ALPK1: variants seen among roughly 807,000 people sequenced by gnomAD.
ALPK1 encodes alpha-protein kinase 1.
In ALPK1, 110 loss-of-function variants were observed where a neutral mutation model predicts 120.6. That is an observed-to-expected ratio of 0.91 (90% CI 0.78 to 1.07). The LOEUF (loss-of-function observed/expected upper bound fraction) is 1.07. Ranked by LOEUF, ALPK1 falls within the 50% of genes least tolerant of loss-of-function variation. The probability of loss-of-function intolerance (pLI) is 0.00; values close to 1 mark genes in which losing one functional copy is unlikely to be tolerated. For synonymous variants in ALPK1, 582 were observed against 560.3 expected (o/e 1.04, Z -0.55); for missense variants, 1,498 against 1,483.9 (o/e 1.01, Z -0.16).
chr4:112,322,246 T>TA (rs1212045078), intron 2 of ALPK1, among the ~76,000 whole-genome samples: 1 of 152,226 alleles, frequency 6.6e-6, no homozygotes, highest in Non-Finnish European at 1.5e-5. Flanking sequence ...AGAGATATTC[T>TA]AAAAATTTTA....
chr4:112,387,163 G>A (rs1732189513), intron 4 of ALPK1, among the ~76,000 whole-genome samples: 1 of 152,186 alleles, frequency 6.6e-6, no homozygotes, highest in Non-Finnish European at 1.5e-5. Context: ...CTGAGATGCC[G>A]GGGAAGGACT....
chr4:112,330,558 C>T (rs1729323568), intron 2 of ALPK1, among the ~76,000 whole-genome samples: 1 of 152,192 alleles, frequency 6.6e-6, no homozygotes. Context: ...CTAGTACTCC[C>T]AGTGATGTGA....
At chr4:112,371,804 A>C (rs1578510044) in intron 2 of ALPK1, among the ~76,000 whole-genome samples, 2 of 152,266 alleles carry the variant, frequency 1.3e-5, no homozygotes, top group African/African-American at 4.8e-5. Flanking sequence ...AAAAATATAC[A>C]TACATAAAAA....
intron 2 of ALPK1, among the ~76,000 whole-genome samples, chr4:112,355,778 T>C (rs1315172105): frequency 1.3e-5 from 2 of 152,194 alleles, no homozygotes; most frequent in African/African-American, 4.8e-5. Context: ...AGTTTCCTCC[T>C]GGAGCACAAA....
intron 5 of ALPK1, among the ~76,000 whole-genome samples, chr4:112,414,038 C>CAG (rs755259154): frequency 8.4e-4 from 128 of 152,278 alleles, no homozygotes; most frequent in Non-Finnish European, 1.6e-3. Flanking sequence ...CTGGGTGTCT[C>CAG]AGAGAGAGAG....
intron 4 of ALPK1, among the ~76,000 whole-genome samples, chr4:112,400,308 G>C (rs1732850485): frequency 2.0e-5 from 3 of 152,200 alleles, no homozygotes; most frequent in Admixed American, 6.5e-5. Flanking sequence ...ACACTTACCA[G>C]AGAAGGGTAG....
chr4:112,438,929 T>C (rs1265255293), intron 13 of ALPK1, among the ~76,000 whole-genome samples: 2 of 152,156 alleles, frequency 1.3e-5, no homozygotes, highest in African/African-American at 4.8e-5. Flanking sequence ...AAAAAATAAT[T>C]GTTCTCCTTT....
intron 2 of ALPK1, among the ~76,000 whole-genome samples, chr4:112,364,136 G>T (rs1224163556): frequency 6.6e-6 from 1 of 151,890 alleles, no homozygotes; most frequent in African/African-American, 2.4e-5. Context: ...GCAATCTAAG[G>T]TCACGCCTCA....
chr4:112,426,523 C>G lies in ALPK1; in HGVS notation c.679C>G (p.Leu227Val). ...GGCCTCCATTGTAGGATATTTGGCA[C>G]TTCCTCAGCCGGATAAAAAGGTGGT... Reference protein sequence around the residue: ...IWASIVGYLALPQPDKKGLST... With the variant: ...IWASIVGYLAVPQPDKKGLST... The change falls in exon 8 of 16, where the codon CTT becomes GTT. Residue 227 changes from leucine (L) to valine (V), a missense_variant. Coordinates refer to ENST00000650871, the MANE Select transcript of ALPK1 (RefSeq NM_025144.4). 1 of 1,575,696 alleles carries G rather than the reference C, an allele frequency of 6.3e-7. No individual in the cohort carries two copies. The highest frequency in any genetic ancestry group is 8.6e-7 in the Non-Finnish European group (1 of 1,165,428).
intron 2 of ALPK1, among the ~76,000 whole-genome samples, chr4:112,355,340 C>G (rs761900057): frequency 5.9e-5 from 9 of 152,110 alleles, no homozygotes; most frequent in Non-Finnish European, 1.3e-4. Context: ...GTGCTGGATG[C>G]TGGGGACTCA....
At chr4:112,418,245 C>A (rs2148753818) in intron 5 of ALPK1, among the ~76,000 whole-genome samples, 1 of 152,308 alleles carries the variant, frequency 6.6e-6, no homozygotes, top group Non-Finnish European at 1.5e-5. Flanking sequence ...TCCATGCTGG[C>A]CAAACTCGCT....
chr4:112,400,949 T>G (rs1470772547), intron 4 of ALPK1, among the ~76,000 whole-genome samples: 1 of 151,426 alleles, frequency 6.6e-6, no homozygotes, highest in African/African-American at 2.4e-5. Flanking sequence ...GAGGTGAGAG[T>G]GAGTGTTGGG....
intron 1 of ALPK1, among the ~76,000 whole-genome samples, chr4:112,304,073 A>G (rs540364792): frequency 3.3e-5 from 5 of 152,212 alleles, no homozygotes; most frequent in African/African-American, 4.8e-5. Context: ...TATAAAGGAC[A>G]TGAACTCATC....
At chr4:112,373,058 G>C (rs2148723757) in intron 2 of ALPK1, among the ~76,000 whole-genome samples, 1 of 152,316 alleles carries the variant, frequency 6.6e-6, no homozygotes, top group African/African-American at 2.4e-5. Flanking sequence ...TGGACTTGAA[G>C]AAAAATGAGT....
intron 2 of ALPK1, among the ~76,000 whole-genome samples, chr4:112,372,783 C>G (rs113002260): frequency 5.4e-4 from 82 of 152,216 alleles, no homozygotes; most frequent in Middle Eastern, 6.8e-3. Flanking sequence ...CTAATTCCCC[C>G]CATCCTGCAG....
chr4:112,327,943 C>T (rs1450538480), intron 2 of ALPK1, among the ~76,000 whole-genome samples: 1 of 152,180 alleles, frequency 6.6e-6, no homozygotes, highest in Non-Finnish European at 1.5e-5. Flanking sequence ...TCAGTTGTGG[C>T]ATCAATCAAG....
intron 5 of ALPK1, 103 bp from the exon 6 acceptor site, chr4:112,423,841 T>C (rs1734110723): frequency 9.4e-7 from 1 of 1,060,734 alleles, no homozygotes; most frequent in Non-Finnish European, 1.5e-6. Context: ...CAAAGGAGGT[T>C]ACAGTTCCTG....
In ALPK1 at chr4:112,430,651, C is replaced by G. The variant is rs1303293038; in HGVS notation, c.1104C>G (p.Leu368=). 1 of 1,614,020 alleles carries G rather than the reference C, an allele frequency of 6.2e-7. No individual in the cohort carries two copies. The highest frequency in any genetic ancestry group is 1.3e-5 in the African/African-American group (1 of 74,896). The change falls in exon 11 of 16, where the codon CTC becomes CTG. Residue 368 remains leucine (L), a synonymous_variant. Coordinates refer to ENST00000650871, the MANE Select transcript of ALPK1 (RefSeq NM_025144.4). ...AFGLTTVHRR[L]HGETGTVHAA... ...GTCTCACCACAGTGCACAGAAGGCT[C>G]CATGGGGAGACAGGGACGGTCCATG...
intron 10 of ALPK1, among the ~76,000 whole-genome samples, chr4:112,429,839 C>CAAA (rs756983786): frequency 2.3e-4 from 9 of 39,952 alleles, no homozygotes; most frequent in East Asian, 1.0e-3. Flanking sequence ...GACCCTACCT[C>CAAA]AAAAAAAAAA....
Sources: allele counts gnomAD v4.1 joint callset (sites outside exome capture counted in the v4.1 genomes callset), GRCh38; gene constraint gnomAD v4.1.1; transcripts MANE v1.5; gene names NCBI Gene and HGNC (gene_info 2026-07-23, HGNC 2026-07-21).